GUCY1A2: variants seen among roughly 807,000 people sequenced by gnomAD.
The protein encoded by GUCY1A2 is guanylate cyclase 1 soluble subunit alpha 2.
In GUCY1A2, 27 loss-of-function variants were observed where a neutral mutation model predicts 63.5. That is an observed-to-expected ratio of 0.43 (90% CI 0.31 to 0.59). The LOEUF is 0.59. Ranked by LOEUF, GUCY1A2 falls within the 20% of genes least tolerant of loss-of-function variation. The pLI is 0.11. For synonymous variants in GUCY1A2, 364 were observed against 343.5 expected (o/e 1.06, Z -0.66); for missense variants, 768 against 913.3 (o/e 0.84, Z 2.05).
At chr11:106,875,900 C>T (rs1859742340) in intron 4 of GUCY1A2, among the ~76,000 whole-genome samples, 1 of 151,792 alleles carries the variant, frequency 6.6e-6, no homozygotes, top group Non-Finnish European at 1.5e-5. Flanking sequence ...GCACTTTACT[C>T]TGACGTTAAA....
At chr11:106,966,740 A>C (rs1030276979) in intron 3 of GUCY1A2, among the ~76,000 whole-genome samples, 1 of 152,198 alleles carries the variant, frequency 6.6e-6, no homozygotes, top group Non-Finnish European at 1.5e-5. Flanking sequence ...TGAATTAAAG[A>C]AATTGTATAA....
chr11:106,854,905 T>C (rs755560586), intron 4 of GUCY1A2, among the ~76,000 whole-genome samples: 4 of 152,118 alleles, frequency 2.6e-5, no homozygotes, highest in Non-Finnish European at 4.4e-5. Flanking sequence ...CTCTATCACC[T>C]GTTCCCCAGG....
In GUCY1A2 at chr11:107,017,781, T is replaced by C; in HGVS notation, c.275A>G (p.Glu92Gly). 1 of 1,425,460 alleles carries C rather than the reference T, an allele frequency of 7.0e-7. No homozygotes were observed. 88.3% of individuals were successfully genotyped at this position (1,425,460 alleles called of 1,614,324 possible). ...RRRVNLDSLGESISRLTAPSP... is the reference protein window; with the variant it reads ...RRRVNLDSLGGSISRLTAPSP... ...GGGCGCCGTCAGGCGGCTGATGCTCTCGCCCAGCGAGTCCAGGTTGACCCG... is the reference window on the plus strand; with the variant it reads ...GGGCGCCGTCAGGCGGCTGATGCTCCCGCCCAGCGAGTCCAGGTTGACCCG... Residue 92 changes from glutamate (E) to glycine (G), a missense_variant, in exon 1 of 8, where the codon GAG (glutamate) becomes GGG (glycine). Glu to Gly is a moderately conservative substitution (Grantham distance 98). This residue lies in a region of GUCY1A2 where 496 missense variants were observed against 486.9 expected (regional missense o/e 1.02). Transcript: ENST00000526355.
chr11:106,923,350 A>G (rs552508333), intron 4 of GUCY1A2, among the ~76,000 whole-genome samples: 1 of 152,346 alleles, frequency 6.6e-6, no homozygotes, highest in African/African-American at 2.4e-5. Flanking sequence ...AACATTTCCT[A>G]AACACTTGCT....
chr11:106,916,907 T>A (rs1345062644), intron 4 of GUCY1A2, among the ~76,000 whole-genome samples: 1 of 145,742 alleles, frequency 6.9e-6, no homozygotes, highest in Non-Finnish European at 1.5e-5. Flanking sequence ...AATTGCAGAA[T>A]TGAATACCAA....
Position 106,936,181 on chromosome 11 carries a change from A to G in GUCY1A2, c.1206+3279T>C, listed in dbSNP as rs115420216. ...TCCATACCAAGAAGCTTTGTAATCT[A>G]TATCAGTAGGTTATGTTTACATGGA... On this transcript the variant is annotated intron_variant, in intron 4 of 7. Coordinates refer to ENST00000526355, the MANE Select transcript of GUCY1A2 (RefSeq NM_000855.3). Among the ~76,000 whole-genome samples the G allele has an allele frequency of 2.4e-3, 362 of 152,318 alleles. 1 individual carries two copies. Among genetic ancestry groups the G allele is most frequent in the African/African-American group, 8.2e-3 (343 of 41,580 alleles).
chr11:106,994,023 AC>A (rs1325356764), intron 1 of GUCY1A2, among the ~76,000 whole-genome samples: 1 of 152,204 alleles, frequency 6.6e-6, no homozygotes, highest in Non-Finnish European at 1.5e-5. Flanking sequence ...TACTGGTTTA[AC>A]ATCTGGGCCA....
intron 4 of GUCY1A2, among the ~76,000 whole-genome samples, chr11:106,829,404 A>T (rs546262305): frequency 6.6e-6 from 1 of 152,320 alleles, no homozygotes; most frequent in African/African-American, 2.4e-5. Flanking sequence ...GCCTGACTTT[A>T]AAGCCTAGTT....
At chr11:106,700,816 C>T (rs1862805289) in intron 7 of GUCY1A2, among the ~76,000 whole-genome samples, 1 of 151,434 alleles carries the variant, frequency 6.6e-6, no homozygotes, top group Non-Finnish European at 1.5e-5. Flanking sequence ...TAAGAAAAGG[C>T]TACAGAAAAA....
intron 3 of GUCY1A2, among the ~76,000 whole-genome samples, chr11:106,965,367 T>C (rs1401559909): frequency 1.1e-4 from 17 of 152,126 alleles, no homozygotes; most frequent in Non-Finnish European, 2.9e-5. Context: ...TCCTTACAAA[T>C]AGTAAAGCAT....
At chr11:106,830,498 G>C (rs1859035380) in intron 4 of GUCY1A2, among the ~76,000 whole-genome samples, 1 of 152,188 alleles carries the variant, frequency 6.6e-6, no homozygotes, top group African/African-American at 2.4e-5. Flanking sequence ...CTCAATCCGG[G>C]TGGGCACCAT....
At chr11:106,960,905 T>G (rs1861049816) in intron 3 of GUCY1A2, among the ~76,000 whole-genome samples, 1 of 151,914 alleles carries the variant, frequency 6.6e-6, no homozygotes, top group Non-Finnish European at 1.5e-5. Flanking sequence ...CATACCACAA[T>G]TTCATGGAAA....
chr11:106,877,536 T>C (rs1173897825), intron 4 of GUCY1A2, among the ~76,000 whole-genome samples: 1 of 151,348 alleles, frequency 6.6e-6, no homozygotes, highest in East Asian at 1.9e-4. Flanking sequence ...CAAAGACAAG[T>C]AGTTCAACAG....
intron 4 of GUCY1A2, among the ~76,000 whole-genome samples, chr11:106,907,739 C>T (rs1195377416): frequency 6.6e-6 from 1 of 152,068 alleles, no homozygotes; most frequent in Non-Finnish European, 1.5e-5. Flanking sequence ...ATGAACTCAT[C>T]ATTTTTTATG....
intron 4 of GUCY1A2, among the ~76,000 whole-genome samples, chr11:106,865,040 C>A (rs1415480442): frequency 6.6e-6 from 1 of 151,594 alleles, no homozygotes; most frequent in Non-Finnish European, 1.5e-5. Context: ...GTGAATCTGT[C>A]TGGTCAACTA....
chr11:106,835,726 A>AT (rs35535757), intron 4 of GUCY1A2, among the ~76,000 whole-genome samples: 1 of 151,938 alleles, frequency 6.6e-6, no homozygotes, highest in Admixed American at 6.6e-5. Context: ...ATGGAATAAT[A>AT]TTTTCAATGG....
At chr11:106,895,143 A>T (rs955634064) in intron 4 of GUCY1A2, among the ~76,000 whole-genome samples, 1 of 152,226 alleles carries the variant, frequency 6.6e-6, no homozygotes, top group Non-Finnish European at 1.5e-5. Flanking sequence ...GATAACCTAG[A>T]TAAAATGGAT....
intron 3 of GUCY1A2, among the ~76,000 whole-genome samples, chr11:106,952,048 A>G (rs1860916699): frequency 6.6e-6 from 1 of 152,110 alleles, no homozygotes. Context: ...AGATGGTTGC[A>G]GATATGTGGT....
intron 4 of GUCY1A2, among the ~76,000 whole-genome samples, chr11:106,820,907 C>G (rs950358757): frequency 2.3e-4 from 35 of 152,008 alleles, no homozygotes; most frequent in South Asian, 8.3e-4. Context: ...ACAAAAATAC[C>G]AAAAATATAG....
Sources: allele counts gnomAD v4.1 joint callset (sites outside exome capture counted in the v4.1 genomes callset), GRCh38; gene constraint gnomAD v4.1.1; regional missense constraint gnomAD v4.1.1; transcripts MANE v1.5; gene names NCBI Gene and HGNC (gene_info 2026-07-23, HGNC 2026-07-21).